Variants in IL6ST observed in about 807,000 individuals in gnomAD.
The protein encoded by IL6ST is interleukin 6 cytokine family signal transducer.
IL6ST carries 24 observed loss-of-function variants against 91.3 expected under a neutral mutation model. The ratio of observed to expected loss-of-function variants is 0.26; its 90% confidence interval spans 0.19 to 0.37. The LOEUF (loss-of-function observed/expected upper bound fraction) is 0.37. IL6ST is among the 10% of genes least tolerant of loss of function. IL6ST has a pLI of 1.00. For missense variants in IL6ST, 914 were observed against 1,078.5 expected (o/e 0.85, Z 2.14); for synonymous variants, 351 against 373.6 (o/e 0.94, Z 0.70).
At chr5:55,985,413 A>G (rs1753907406) in intron 1 of IL6ST, among the ~76,000 whole-genome samples, 1 of 151,960 alleles carries the variant, frequency 6.6e-6, no homozygotes, top group South Asian at 2.1e-4. Flanking sequence ...GCTACACAGG[A>G]AGCTGAGGCA....
intron 16 of IL6ST, 95 bp from the exon 17 acceptor site, chr5:55,941,914 A>C: frequency 2.9e-6 from 3 of 1,044,902 alleles, no homozygotes; most frequent in Non-Finnish European, 4.2e-6. Flanking sequence ...AGTGGTACAG[A>C]AATAACCTGT....
At chr5:55,971,606 T>C (rs1243632591) in intron 3 of IL6ST, among the ~76,000 whole-genome samples, 2 of 152,110 alleles carry the variant, frequency 1.3e-5, no homozygotes, top group African/African-American at 2.4e-5. Flanking sequence ...TGAAGTGTTT[T>C]TGAGATTAAA....
intron 15 of IL6ST, among the ~76,000 whole-genome samples, chr5:55,947,054 A>G (rs1359814575): frequency 6.6e-5 from 10 of 151,934 alleles, no homozygotes; most frequent in Non-Finnish European, 1.3e-4. Flanking sequence ...AATACAAAAA[A>G]TTAGCTGGGT....
In IL6ST at chr5:55,957,173, A is replaced by G. The variant is rs762918144; in HGVS notation, c.1056+36T>C. ...CTCGGTTTCAAAAAAAAAAAAAAAG[A>G]TTTATAAGAGATAAAATATAAATGT... On this transcript the variant is annotated intron_variant, in intron 9 of 16. Coordinates refer to ENST00000381298, the MANE Select transcript of IL6ST (RefSeq NM_002184.4). 2.1e-5 allele frequency: 22 copies of G among 1,040,452 alleles called. 1 individual carries two copies. The highest frequency in any genetic ancestry group is 4.8e-5 in the Admixed American group (2 of 41,700). 64.5% of individuals were successfully genotyped at this position (1,040,452 alleles called of 1,614,324 possible).
intron 11 of IL6ST, among the ~76,000 whole-genome samples, chr5:55,952,565 A>T (rs1052653167): frequency 6.6e-6 from 1 of 152,244 alleles, no homozygotes; most frequent in East Asian, 1.9e-4. Context: ...TAAAAAATAC[A>T]TTGTTAAGAA....
chr5:55,990,521 C>A lies in IL6ST; in HGVS notation c.-104+4263G>T, dbSNP rs116338481. Among the ~76,000 whole-genome samples, 471 of 152,288 alleles carry A rather than the reference C, an allele frequency of 3.1e-3. 6 individuals carry two copies. Among genetic ancestry groups the A allele is most frequent in the African/African-American group, 0.011 (456 of 41,562 alleles). ...AGGTACCCAAAGATAAAGTACTGGGCATCGACTTTTCTTTTTAAATACCAA... is the reference window on the plus strand; with the variant it reads ...AGGTACCCAAAGATAAAGTACTGGGAATCGACTTTTCTTTTTAAATACCAA... On this transcript the variant is annotated intron_variant, in intron 1 of 16. Coordinates refer to ENST00000381298, the MANE Select transcript of IL6ST (RefSeq NM_002184.4).
At position 55,941,973 on chromosome 5, in the gene IL6ST, A is replaced by G. The variant is rs528114964; in HGVS notation, c.2020-154T>C. ...ACTACCCAAAATGCAGATACTATAA[A>G]ATGAGTCTAAGTAGTCTAAATCAAT... On this transcript the variant is annotated intron_variant, in intron 16 of 16. Transcript: ENST00000381298. 2.0e-5 allele frequency among the ~76,000 whole-genome samples: 3 copies of G among 152,284 alleles called. No individual in the cohort carries two copies. The South Asian group carries it at 6.2e-4, about 32-fold the overall frequency.
In IL6ST at chr5:55,959,547, C is replaced by A. The variant is rs1468793056; in HGVS notation, c.973+855G>T. The A allele has an allele frequency of 8.3e-6, 5 of 600,802 alleles. No individual in the cohort carries two copies. The Admixed American group carries it at 1.4e-4, about 17-fold the overall frequency. The allele number at this position is 600,802 out of a possible 1,614,324, so 37.2% of individuals were successfully genotyped here. On this transcript the variant is annotated intron_variant, in intron 8 of 16. Transcript: ENST00000381298. ...TTTGCAGTGAGGATCTTACTTTAGA[C>A]TGTACACTCTTTTTGTGCCTTTTTT...
intron 10 of IL6ST, among the ~76,000 whole-genome samples, chr5:55,955,428 CAG>C (rs541904922): frequency 3.0e-4 from 46 of 152,142 alleles, no homozygotes; most frequent in Non-Finnish European, 5.3e-4. Context: ...GCCTAGGCGA[CAG>C]AGCAAGACTG....
At chr5:55,968,184 G>T in intron 5 of IL6ST, 92 bp downstream of exon 5, 1 of 1,074,986 alleles carries the variant, frequency 9.3e-7, no homozygotes, top group Non-Finnish European at 1.3e-6. Flanking sequence ...TTTTAAAATA[G>T]CATTTAATAT....
intron 1 of IL6ST, among the ~76,000 whole-genome samples, chr5:55,988,097 C>T (rs990079954): frequency 1.3e-5 from 2 of 149,000 alleles, no homozygotes; most frequent in African/African-American, 2.5e-5. Flanking sequence ...CACCACTGCA[C>T]TCCAGCCTGG....
At chr5:55,968,506 C>A (rs1432164774) in intron 4 of IL6ST, 110 bp from the exon 5 acceptor site, 4 of 1,003,420 alleles carry the variant, frequency 4.0e-6, no homozygotes, top group Admixed American at 5.1e-5. Flanking sequence ...AAAAATCAAA[C>A]CCAAGCAAAA....
At chr5:55,986,170 A>G (rs1183165901) in intron 1 of IL6ST, among the ~76,000 whole-genome samples, 4 of 152,090 alleles carry the variant, frequency 2.6e-5, no homozygotes, top group African/African-American at 7.2e-5. Flanking sequence ...ATCCTTACTG[A>G]TTTTCTGACT....
rs563650411 is a variant in IL6ST, at chr5:55,950,265, G to A, written c.1840+1199C>T. On this transcript the variant is annotated intron_variant, in intron 14 of 16. Transcript: ENST00000381298. Reference sequence around the variant, plus strand: ...AAAACAGGGTCAAGAGGCCGGGTGCGGTGGCTCATGCCTGTAATCCCAGCA... The same window carrying A: ...AAAACAGGGTCAAGAGGCCGGGTGCAGTGGCTCATGCCTGTAATCCCAGCA... The A allele has an allele frequency of 6.1e-5, 28 of 455,302 alleles. 1 individual carries two copies. The highest frequency in any genetic ancestry group is 2.0e-4 in the South Asian group (13 of 63,786). 28.2% of individuals were successfully genotyped at this position (455,302 alleles called of 1,614,324 possible).
intron 14 of IL6ST, among the ~76,000 whole-genome samples, chr5:55,951,033 C>T (rs937527836): frequency 6.6e-6 from 1 of 151,916 alleles, no homozygotes; most frequent in African/African-American, 2.4e-5. Flanking sequence ...CTGAGTGACA[C>T]CAGAGAGGTT....
intron 15 of IL6ST, chr5:55,944,569 C>A: frequency 1.9e-6 from 1 of 516,458 alleles, no homozygotes; most frequent in Non-Finnish European, 3.6e-6. Flanking sequence ...AAGAAATAAA[C>A]CAGGTTCACG....
At chr5:55,978,943 G>A (rs1019767584) in intron 2 of IL6ST, among the ~76,000 whole-genome samples, 3 of 152,168 alleles carry the variant, frequency 2.0e-5, no homozygotes, top group Non-Finnish European at 2.9e-5. Flanking sequence ...AATGTTTACA[G>A]AAGTTTTATT....
At position 55,983,124 on chromosome 5, in the gene IL6ST, C is replaced by T. The variant is rs150182134; in HGVS notation, c.-103-313G>A. Among the ~76,000 whole-genome samples, 776 of 152,072 alleles carry T rather than the reference C, an allele frequency of 5.1e-3. 3 individuals carry two copies. The highest frequency in any genetic ancestry group is 0.011 in the South Asian group (55 of 4,816). On this transcript the variant is annotated intron_variant, in intron 1 of 16. Coordinates refer to ENST00000381298, the MANE Select transcript of IL6ST (RefSeq NM_002184.4). ...AGGTAATTCTCCCACCTCAGCCTCCCGAGTAGCTGGGACTAGAGATGGCAC... is the reference window on the plus strand; with the variant it reads ...AGGTAATTCTCCCACCTCAGCCTCCTGAGTAGCTGGGACTAGAGATGGCAC...
At chr5:55,951,434 G>A (rs750907585) in intron 14 of IL6ST, 30 bp downstream of exon 14, 10 of 1,572,772 alleles carry the variant, frequency 6.4e-6, no homozygotes, top group Non-Finnish European at 8.7e-6. Flanking sequence ...GTTTGAGAAA[G>A]AAAAAAAACC....
Sources: allele counts gnomAD v4.1 joint callset (sites outside exome capture counted in the v4.1 genomes callset), GRCh38; gene constraint gnomAD v4.1.1; transcripts MANE v1.5; gene names NCBI Gene and HGNC (gene_info 2026-07-23, HGNC 2026-07-21).